Variants in TET3 observed in about 807,000 individuals in gnomAD.
TET3 encodes the protein tet methylcytosine dioxygenase 3.
TET3 carries 19 observed loss-of-function variants against 141.4 expected under a neutral mutation model. The observed-to-expected ratio is 0.13, with a 90% CI of 0.09 to 0.20. The LOEUF (loss-of-function observed/expected upper bound fraction) is 0.20, where lower values mean the gene tolerates loss of function less well. Ranked by LOEUF, TET3 falls within the 10% of genes least tolerant of loss-of-function variation. TET3 has a pLI of 1.00. For synonymous variants in TET3, 1,043 were observed against 980.9 expected (o/e 1.06, Z -1.18); for missense variants, 1,874 against 2,356.9 (o/e 0.80, Z 4.24).
rs183009560 is a variant in TET3 at position 74,107,541 on chromosome 2, G to C, written c.*5365G>C. On this transcript the variant is annotated 3_prime_UTR_variant, in exon 12 of 12. Transcript: ENST00000409262. Reference sequence around the variant, plus strand: ...TTCAATACCCTTTTTTTTCTTTTGAGGGGAAAAGAGGGGAGAAAAACAGGA... The same window carrying C: ...TTCAATACCCTTTTTTTTCTTTTGACGGGAAAAGAGGGGAGAAAAACAGGA... 1 of 151,992 alleles carries C rather than the reference G, an allele frequency of 6.6e-6. No homozygotes were observed. Among genetic ancestry groups the C allele is most frequent in the Admixed American group, 6.5e-5 (1 of 15,274 alleles). 9.4% of individuals were successfully genotyped at this position (151,992 alleles called of 1,614,324 possible).
intron 4 of TET3, among the ~76,000 whole-genome samples, chr2:74,071,772 T>C (rs1421804178): frequency 6.6e-6 from 1 of 152,218 alleles, no homozygotes; most frequent in Non-Finnish European, 1.5e-5. Context: ...ACACACTGTG[T>C]GTATAGTTTT....
At chr2:74,135,026 G>A in the TET3 span, 1 of 261,448 alleles carries the variant, frequency 3.8e-6, no homozygotes, top group Non-Finnish European at 7.6e-6. Flanking sequence ...TCTGTCGTGG[G>A]AGGTGGGCTC....
intron 3 of TET3, among the ~76,000 whole-genome samples, chr2:74,034,602 G>A (rs1573746907): frequency 6.9e-6 from 1 of 144,244 alleles, no homozygotes; most frequent in East Asian, 2.1e-4. Context: ...AAACCCTGTT[G>A]TAGATTCTGG....
chr2:74,110,767 T>C (rs57498180), downstream of TET3, among the ~76,000 whole-genome samples: 7,744 of 152,216 alleles, frequency 0.051, 428 homozygotes, highest in African/African-American at 0.14. Context: ...TCCTCTTTAC[T>C]GTACACACAC....
rs375597537 is a variant in TET3, at chr2:74,101,002, C to A, written c.4214C>A (p.Thr1405Asn). The change falls in exon 12 of 12, where the codon ACC (threonine) becomes AAC (asparagine). Residue 1405 changes from threonine to asparagine, a missense_variant. Transcript: ENST00000409262. The surrounding 1 kb of genome is among the most constrained non-coding windows in gnomAD (Gnocchi z 8.5). ...AAGCAAGAGCCAGTAGACCCGCTGA[C>A]CCAGGCTGAGCCTGTGCCCAGAGAC... is the stretch of plus-strand genomic sequence containing the variant. ...SIKQEPVDPLTQAEPVPRDAG... is the reference protein window; with the variant it reads ...SIKQEPVDPLNQAEPVPRDAG... The A allele has an allele frequency of 5.0e-6, 8 of 1,612,924 alleles. No individual in the cohort carries two copies. The Admixed American group carries it at 1.2e-4, about 24-fold the overall frequency.
At chr2:74,098,911 ATGG>A (rs1474609493) in intron 10 of TET3, among the ~76,000 whole-genome samples, 1 of 152,196 alleles carries the variant, frequency 6.6e-6, no homozygotes, top group Non-Finnish European at 1.5e-5. Context: ...AAGGAAGATA[ATGG>A]TGGACGGTCT....
intron 3 of TET3, among the ~76,000 whole-genome samples, chr2:74,040,200 A>G (rs1687270824): frequency 6.6e-6 from 1 of 152,124 alleles, no homozygotes; most frequent in Admixed American, 6.5e-5. Flanking sequence ...GGTATGTTCA[A>G]GAGATTGTAG....
the TET3 span, chr2:74,135,184 G>A: frequency 4.1e-6 from 1 of 244,644 alleles, no homozygotes; most frequent in South Asian, 6.1e-5. Context: ...AGAGGGGGAA[G>A]AAAAGAATGA....
intron 4 of TET3, among the ~76,000 whole-genome samples, chr2:74,067,624 AG>A (rs1688979936): frequency 6.6e-6 from 1 of 152,264 alleles, no homozygotes; most frequent in Admixed American, 6.5e-5. Flanking sequence ...AGAAGTCCAG[AG>A]GGAAAACACC....
chr2:74,064,674 T>C lies in TET3; in HGVS notation c.2495-8875T>C, dbSNP rs144450154. ...ACAGCCTCCCAAAGTACTGAGATTA[T>C]AGGCATGAGCCACCACAGCTGGCCC... On this transcript the variant is annotated intron_variant, in intron 4 of 11. Transcript: ENST00000409262. 7.7e-3 allele frequency among the ~76,000 whole-genome samples: 1,175 copies of C among 152,266 alleles called. 16 individuals are homozygous for C. Among genetic ancestry groups the C allele is most frequent in the African/African-American group, 0.027 (1,105 of 41,548 alleles).
At chr2:73,993,437 T>C (rs1684431160) in intron 2 of TET3, 1 of 152,202 alleles carries the variant, frequency 6.6e-6, no homozygotes, top group African/African-American at 2.4e-5. Flanking sequence ...CCAGGTGATT[T>C]GTATGTCCAT....
intron 4 of TET3, among the ~76,000 whole-genome samples, chr2:74,065,569 T>G (rs1028427863): frequency 3.5e-5 from 5 of 144,524 alleles, no homozygotes; most frequent in Non-Finnish European, 7.4e-5. Flanking sequence ...TTTTTTTTTT[T>G]GGCTTGGTCA....
At chr2:74,061,340 C>A (rs1355541466) in intron 4 of TET3, among the ~76,000 whole-genome samples, 6 of 137,222 alleles carry the variant, frequency 4.4e-5, no homozygotes, top group Admixed American at 7.0e-5. Flanking sequence ...CCCCTCACCT[C>A]CCGGACGGGG....
chr2:74,132,090 C>T, the TET3 span, among the ~76,000 whole-genome samples: 1 of 152,194 alleles, frequency 6.6e-6, no homozygotes, highest in Non-Finnish European at 1.5e-5. Flanking sequence ...TTATCTTTTC[C>T]TCCAGTCAAG....
chr2:74,081,062 G>A (rs1226032701), intron 6 of TET3, among the ~76,000 whole-genome samples: 1 of 152,208 alleles, frequency 6.6e-6, no homozygotes, highest in African/African-American at 2.4e-5. Flanking sequence ...CTGAAGGCTA[G>A]CATGCTGAGA....
At chr2:74,045,546 G>A (rs770771593) in intron 3 of TET3, among the ~76,000 whole-genome samples, 4 of 152,262 alleles carry the variant, frequency 2.6e-5, no homozygotes, top group Non-Finnish European at 2.9e-5. Context: ...GGTGGCTCTC[G>A]TGCTTGGGGA....
intron 2 of TET3, among the ~76,000 whole-genome samples, chr2:73,991,417 C>T (rs1366677952): frequency 6.6e-6 from 1 of 151,922 alleles, no homozygotes; most frequent in Non-Finnish European, 1.5e-5. Context: ...AACCCCATCT[C>T]TACTAAAAAT....
chr2:73,991,223 C>T (rs1684305468), intron 2 of TET3, among the ~76,000 whole-genome samples: 1 of 151,936 alleles, frequency 6.6e-6, no homozygotes, highest in South Asian at 2.1e-4. Flanking sequence ...CAAATGCAAG[C>T]GGTTTTTAAC....
At chr2:74,131,981 G>A in the TET3 span, among the ~76,000 whole-genome samples, 1 of 152,126 alleles carries the variant, frequency 6.6e-6, no homozygotes, top group Non-Finnish European at 1.5e-5. Flanking sequence ...TCACAAGCCC[G>A]AAGAGTTCTC....
Sources: gnomAD v4.1 joint callset for allele counts (sites outside exome capture counted in the v4.1 genomes callset) on GRCh38, gnomAD v4.1.1 for gene constraint, Gnocchi (gnomAD v3.1) non-coding constraint, MANE v1.5 for transcripts, NCBI Gene and HGNC (gene_info 2026-07-23, HGNC 2026-07-21) for gene names.